CNTN6: variants seen among roughly 807,000 people sequenced by gnomAD.
CNTN6 encodes contactin 6.
A neutral mutation model predicts 122.8 loss-of-function variants in CNTN6; 137 were observed. The ratio of observed to expected loss-of-function variants is 1.12; its 90% CI spans 0.97 to 1.29. The LOEUF (loss-of-function observed/expected upper bound fraction) is 1.29. Among genes scored for constraint, CNTN6 ranks in the 50% most tolerant of loss-of-function variants. The probability of loss-of-function intolerance (pLI) is 0.00; values close to 1 mark genes in which losing one functional copy is unlikely to be tolerated. For missense variants in CNTN6, 1,634 were observed against 1,223.4 expected (o/e 1.34, Z -5.01); for synonymous variants, 570 against 426.0 (o/e 1.34, Z -4.16).
chr3:1,204,656 A>G (rs1410244361), intron 2 of CNTN6, among the ~76,000 whole-genome samples: 2 of 152,128 alleles, frequency 1.3e-5, no homozygotes, highest in Non-Finnish European at 2.9e-5. Flanking sequence ...CTTGGCCTTT[A>G]TGTCTCAATT....
chr3:1,314,474 A>G (rs1444053862), intron 7 of CNTN6, among the ~76,000 whole-genome samples: 5 of 152,138 alleles, frequency 3.3e-5, no homozygotes, highest in Non-Finnish European at 5.9e-5. Context: ...ATGAGGTTTA[A>G]GAAATCCAGG....
At chr3:1,274,521 T>C (rs1320158859) in intron 4 of CNTN6, among the ~76,000 whole-genome samples, 2 of 152,198 alleles carry the variant, frequency 1.3e-5, no homozygotes, top group African/African-American at 4.8e-5. Flanking sequence ...ATAGAAAATA[T>C]AAGACTTTCT....
chr3:1,095,667 A>G (rs1376573158), intron 1 of CNTN6, among the ~76,000 whole-genome samples: 1 of 152,214 alleles, frequency 6.6e-6, no homozygotes, highest in African/African-American at 2.4e-5. Flanking sequence ...AAAATTTTGA[A>G]AATAGAAATA....
chr3:1,274,191 T>C (rs1440659564), intron 4 of CNTN6, among the ~76,000 whole-genome samples: 2 of 152,172 alleles, frequency 1.3e-5, no homozygotes, highest in African/African-American at 4.8e-5. Context: ...TAAAGCTTAT[T>C]AGGCTGATTT....
At chr3:1,227,514 G>C (rs1399099849) in intron 3 of CNTN6, among the ~76,000 whole-genome samples, 6 of 152,128 alleles carry the variant, frequency 3.9e-5, no homozygotes, top group Non-Finnish European at 8.8e-5. Flanking sequence ...TAAAGGAATA[G>C]GTTGGCCAGT....
At chr3:1,400,668 G>A (rs367698191) in intron 20 of CNTN6, among the ~76,000 whole-genome samples, 5 of 152,102 alleles carry the variant, frequency 3.3e-5, no homozygotes, top group Admixed American at 1.3e-4. Context: ...ATAGACATAC[G>A]ACCAAATGAA....
intron 4 of CNTN6, among the ~76,000 whole-genome samples, chr3:1,250,819 TCTC>T (rs778520066): frequency 7.9e-5 from 12 of 152,136 alleles, no homozygotes; most frequent in African/African-American, 1.4e-4. Flanking sequence ...TGAAGATGCT[TCTC>T]CTCTCTGGCT....
intron 17 of CNTN6, among the ~76,000 whole-genome samples, chr3:1,382,242 G>A (rs1177972909): frequency 1.3e-5 from 2 of 152,112 alleles, no homozygotes; most frequent in Non-Finnish European, 2.9e-5. Context: ...CTAAGTTTAT[G>A]TGATTGTTTA....
chr3:1,128,735 C>T (rs1441579206), intron 1 of CNTN6, among the ~76,000 whole-genome samples: 1 of 151,686 alleles, frequency 6.6e-6, no homozygotes, highest in African/African-American at 2.4e-5. Context: ...TATTTATTTA[C>T]AGAGCAACAT....
Position 1,329,850 on chromosome 3 carries a change from ATTG to A in CNTN6, c.1282_1284del (p.Val428del), listed in dbSNP as rs747221106. On this transcript the variant is annotated inframe_deletion, in exon 11 of 23. Coordinates refer to ENST00000446702, the MANE Select transcript of CNTN6 (RefSeq NM_001289080.2). ...GTCTTTTGTTCAAGTTGGTGGGGATATTGTTATCGGATGCAAACCAAATGCTTT... is the reference window on the plus strand; with the variant it reads ...GTCTTTTGTTCAAGTTGGTGGGGATATTATCGGATGCAAACCAAATGCTTT... The A allele has an allele frequency of 2.5e-6, 4 of 1,611,290 alleles. No individual in the cohort carries two copies. Among genetic ancestry groups the A allele is most frequent in the Non-Finnish European group, 2.5e-6 (3 of 1,178,200 alleles).
At chr3:1,134,532 G>A (rs1402307679) in intron 1 of CNTN6, among the ~76,000 whole-genome samples, 1 of 152,018 alleles carries the variant, frequency 6.6e-6, no homozygotes, top group Non-Finnish European at 1.5e-5. Context: ...CCTAGACCTG[G>A]ATACAAATTA....
intron 8 of CNTN6, among the ~76,000 whole-genome samples, chr3:1,323,254 CTTAAG>C (rs1217111628): frequency 1.3e-5 from 2 of 151,590 alleles, no homozygotes; most frequent in African/African-American, 2.4e-5. Context: ...GCAAAAATAT[CTTAAG>C]TTAATTGTGC....
chr3:1,133,538 G>A (rs1387654583), intron 1 of CNTN6, among the ~76,000 whole-genome samples: 2 of 152,192 alleles, frequency 1.3e-5, no homozygotes, highest in African/African-American at 4.8e-5. Flanking sequence ...CACCTAGTGA[G>A]AGCCACAGGT....
At chr3:1,105,873 A>G (rs2091197040) in intron 1 of CNTN6, among the ~76,000 whole-genome samples, 2 of 152,216 alleles carry the variant, frequency 1.3e-5, no homozygotes, top group Admixed American at 6.5e-5. Context: ...ATCTGTGCTC[A>G]TTCCAAGTAT....
intron 4 of CNTN6, among the ~76,000 whole-genome samples, chr3:1,275,108 A>T (rs571682454): frequency 1.3e-5 from 2 of 152,310 alleles, no homozygotes; most frequent in South Asian, 4.1e-4. Flanking sequence ...CGATCCTTCC[A>T]TGTGGGTTCT....
chr3:1,095,092 A>T lies in CNTN6; in HGVS notation c.-83+1972A>T, dbSNP rs6778409. Among the ~76,000 whole-genome samples the T allele has an allele frequency of 4.6e-3, 705 of 152,078 alleles. 2 individuals carry two copies. Among genetic ancestry groups the T allele is most frequent in the African/African-American group, 0.016 (674 of 41,534 alleles). On this transcript the variant is annotated intron_variant, in intron 1 of 22. Transcript: ENST00000446702. ...AATGGTTTCTTACTATACACCTTTT[A>T]AAAAATAAATAATAAATATTTAGAT... is the stretch of plus-strand genomic sequence containing the variant.
At chr3:1,219,693 T>A (rs1179062356) in intron 2 of CNTN6, among the ~76,000 whole-genome samples, 2 of 152,144 alleles carry the variant, frequency 1.3e-5, no homozygotes, top group Non-Finnish European at 2.9e-5. Context: ...ACTGTGGAAT[T>A]GTTGCAGATT....
At chr3:1,350,405 C>G (rs1371147251) in intron 11 of CNTN6, among the ~76,000 whole-genome samples, 2 of 151,862 alleles carry the variant, frequency 1.3e-5, no homozygotes, top group African/African-American at 2.4e-5. Context: ...TTAGATATAA[C>G]TTCATTCTCT....
chr3:1,167,723 T>C (rs1347596922), intron 2 of CNTN6, among the ~76,000 whole-genome samples: 1 of 152,148 alleles, frequency 6.6e-6, no homozygotes, highest in Non-Finnish European at 1.5e-5. Context: ...GTGGTGGAAC[T>C]GGGATTTGAA....
Sources: gnomAD v4.1 joint callset for allele counts (sites outside exome capture counted in the v4.1 genomes callset) on GRCh38, gnomAD v4.1.1 for gene constraint, MANE v1.5 for transcripts, NCBI Gene and HGNC (gene_info 2026-07-23, HGNC 2026-07-21) for gene names.